The following HYAL4 variants were observed in gnomAD, a reference collection of about 807,000 sequenced individuals.
HYAL4 encodes the protein hyaluronidase 4, also known as hyaluronidase-4.
HYAL4 carries 37 observed loss-of-function variants against 35.2 expected under a neutral mutation model. The ratio of observed to expected loss-of-function variants is 1.05; its 90% CI spans 0.81 to 1.38. The LOEUF (loss-of-function observed/expected upper bound fraction) is 1.38. HYAL4 is among the 40% of genes most tolerant of loss of function. The pLI, the probability that HYAL4 is intolerant of heterozygous loss-of-function variation, is 0.00. For missense variants in HYAL4, 572 were observed against 572.4 expected (o/e 1.00, Z 0.01); for synonymous variants, 198 against 203.2 (o/e 0.97, Z 0.22).
intron 3 of HYAL4, among the ~76,000 whole-genome samples, chr7:123,873,402 GAAA>G (rs33930393): frequency 1.2e-4 from 17 of 141,528 alleles, no homozygotes; most frequent in African/African-American, 4.2e-4. Flanking sequence ...CAATTGCCCA[GAAA>G]AAAAAAAAAA....
At chr7:123,767,973 A>G in the HYAL4 span, among the ~76,000 whole-genome samples, 1 of 152,206 alleles carries the variant, frequency 6.6e-6, no homozygotes, top group African/African-American at 2.4e-5. Flanking sequence ...ATTATGTCCC[A>G]TGCAACCTTT....
At chr7:123,855,404 C>CA in intron 2 of HYAL4, among the ~76,000 whole-genome samples, 1 of 152,120 alleles carries the variant, frequency 6.6e-6, no homozygotes, top group Non-Finnish European at 1.5e-5. Flanking sequence ...CTGATGGTAA[C>CA]AAAATCCCTC....
chr7:123,860,699 T>C (rs139045080), intron 2 of HYAL4, among the ~76,000 whole-genome samples: 1 of 152,140 alleles, frequency 6.6e-6, no homozygotes, highest in Admixed American at 6.6e-5. Context: ...AATTTTGTCT[T>C]CCTAATTATA....
chr7:123,809,019 C>T, the HYAL4 span, among the ~76,000 whole-genome samples: 1 of 152,142 alleles, frequency 6.6e-6, no homozygotes, highest in Non-Finnish European at 1.5e-5. Flanking sequence ...AATATTCAGA[C>T]CATAGTACCA....
At chr7:123,875,668 A>AG (rs906834937) in intron 4 of HYAL4, among the ~76,000 whole-genome samples, 15 of 150,952 alleles carry the variant, frequency 9.9e-5, no homozygotes, top group Non-Finnish European at 1.2e-4. Flanking sequence ...AAAAAAAAAA[A>AG]AAAAGAAAAA....
At chr7:123,815,172 TC>T in the HYAL4 span, 13 of 152,598 alleles carry the variant, frequency 8.5e-5, no homozygotes, top group African/African-American at 3.1e-4. Flanking sequence ...CATGTATATT[TC>T]TTCAAATGTC....
At chr7:123,788,454 C>G in the HYAL4 span, among the ~76,000 whole-genome samples, 1 of 152,142 alleles carries the variant, frequency 6.6e-6, no homozygotes, top group Non-Finnish European at 1.5e-5. Flanking sequence ...CCCAAATGAA[C>G]AAGGAATATT....
chr7:123,784,006 C>T, the HYAL4 span, among the ~76,000 whole-genome samples: 1 of 148,286 alleles, frequency 6.7e-6, no homozygotes, highest in Non-Finnish European at 1.5e-5. Context: ...CAAGAACTTC[C>T]TCCAGAAAGT....
chr7:123,818,455 G>A, the HYAL4 span, among the ~76,000 whole-genome samples: 3 of 152,052 alleles, frequency 2.0e-5, no homozygotes, highest in East Asian at 1.9e-4. Context: ...GAAATTTAAC[G>A]TGTTAAGGAA....
intron 1 of HYAL4, among the ~76,000 whole-genome samples, chr7:123,832,035 A>T (rs1182558218): frequency 1.3e-5 from 2 of 151,766 alleles, no homozygotes; most frequent in African/African-American, 4.8e-5. Context: ...CAACATATAA[A>T]CTCTGAACCT....
intron 1 of HYAL4, among the ~76,000 whole-genome samples, chr7:123,836,133 G>T (rs560751458): frequency 6.6e-6 from 1 of 152,116 alleles, no homozygotes; most frequent in South Asian, 2.1e-4. Flanking sequence ...TTTCTTTGTT[G>T]ACTTTCTTCT....
the HYAL4 span, among the ~76,000 whole-genome samples, chr7:123,808,387 C>T: frequency 3.3e-5 from 5 of 151,834 alleles, no homozygotes; most frequent in South Asian, 2.1e-4. Context: ...CACACACACA[C>T]GCATGCACAC....
the HYAL4 span, among the ~76,000 whole-genome samples, chr7:123,799,232 G>T: frequency 6.6e-6 from 1 of 151,850 alleles, no homozygotes; most frequent in East Asian, 1.9e-4. Context: ...TTCTCCTTAT[G>T]TAAAGACATT....
At chr7:123,843,251 C>T (rs1806104514), upstream of HYAL4, among the ~76,000 whole-genome samples, 1 of 151,996 alleles carries the variant, frequency 6.6e-6, no homozygotes, top group Admixed American at 6.6e-5. Flanking sequence ...TTCTCCTTCA[C>T]TTATGAAGCT....
At chr7:123,777,548 T>C in the HYAL4 span, among the ~76,000 whole-genome samples, 1 of 152,192 alleles carries the variant, frequency 6.6e-6, no homozygotes, top group Non-Finnish European at 1.5e-5. Context: ...AATTCACACG[T>C]GCAAAAAGTT....
At chr7:123,808,386 A>G in the HYAL4 span, among the ~76,000 whole-genome samples, 22 of 151,730 alleles carry the variant, frequency 1.4e-4, no homozygotes, top group South Asian at 1.5e-3. Context: ...ACACACACAC[A>G]CGCATGCACA....
chr7:123,798,452 CTT>C, the HYAL4 span, among the ~76,000 whole-genome samples: 5 of 152,128 alleles, frequency 3.3e-5, no homozygotes, highest in African/African-American at 1.2e-4. Context: ...TAAATAAAGA[CTT>C]ATAAAGATCT....
chr7:123,861,186 C>G (rs1806568527), intron 2 of HYAL4, among the ~76,000 whole-genome samples: 1 of 152,136 alleles, frequency 6.6e-6, no homozygotes, highest in African/African-American at 2.4e-5. Context: ...CTCCCCATCT[C>G]TAGTTTCTGT....
chr7:123,834,589 T>G (rs1357476405), intron 1 of HYAL4, among the ~76,000 whole-genome samples: 5 of 152,226 alleles, frequency 3.3e-5, no homozygotes, highest in African/African-American at 1.2e-4. Flanking sequence ...CTTGTCTGAT[T>G]GCTCTGGCTA....
Sources: allele counts gnomAD v4.1 joint callset (sites outside exome capture counted in the v4.1 genomes callset), GRCh38; gene constraint gnomAD v4.1.1; transcripts MANE v1.5; gene names NCBI Gene and HGNC (gene_info 2026-07-23, HGNC 2026-07-21).